The following GPR161 variants were observed in gnomAD, a reference collection of about 807,000 sequenced individuals.
The protein encoded by GPR161 is G protein-coupled receptor 161.
GPR161 carries 25 observed loss-of-function variants against 39.2 expected under a neutral mutation model. That is an observed-to-expected ratio of 0.64 (90% CI 0.47 to 0.89). The LOEUF (loss-of-function observed/expected upper bound fraction) is 0.89, where lower values mean the gene tolerates loss of function less well. Ranked by LOEUF, GPR161 falls within the 40% of genes least tolerant of loss-of-function variation. GPR161 has a pLI of 0.00. For missense variants in GPR161, 547 were observed against 677.8 expected (o/e 0.81, Z 2.14); for synonymous variants, 286 against 276.6 (o/e 1.03, Z -0.34).
chr1:168,136,349 C>T (rs1266624514), intron 1 of GPR161: 4 of 1,471,494 alleles, frequency 2.7e-6, no homozygotes, highest in Admixed American at 2.3e-5. Context: ...CCCCAGGGGG[C>T]GCGGCCCGCA....
chr1:168,103,207 A>G (rs910121451), intron 2 of GPR161, among the ~76,000 whole-genome samples: 1 of 152,212 alleles, frequency 6.6e-6, no homozygotes, highest in African/African-American at 2.4e-5. Context: ...TTCTTCAAGG[A>G]TATTTGAAAA....
chr1:168,132,965 G>A (rs548579725), intron 1 of GPR161, among the ~76,000 whole-genome samples: 1 of 152,060 alleles, frequency 6.6e-6, no homozygotes. Flanking sequence ...GGCTGGTCTC[G>A]AACTCCTGAC....
At chr1:168,114,659 T>A (rs538292504) in intron 1 of GPR161, 1 of 152,220 alleles carries the variant, frequency 6.6e-6, no homozygotes, top group Admixed American at 6.5e-5. Flanking sequence ...GGTTGCCTTC[T>A]GTGTCCTTGT....
intron 5 of GPR161, among the ~76,000 whole-genome samples, chr1:168,086,864 G>T (rs1694556623): frequency 6.6e-6 from 1 of 152,268 alleles, no homozygotes; most frequent in East Asian, 1.9e-4. Flanking sequence ...GAAGAGATGT[G>T]ATTAATTATG....
At chr1:168,091,947 A>AC (rs35331460) in intron 3 of GPR161, among the ~76,000 whole-genome samples, 8,887 of 152,222 alleles carry the variant, frequency 0.058, 842 homozygotes, top group African/African-American at 0.2. Context: ...ATAGGAGGAG[A>AC]CCTGTTCCTT....
chr1:168,122,102 G>A (rs1698224149), intron 1 of GPR161, among the ~76,000 whole-genome samples: 2 of 152,214 alleles, frequency 1.3e-5, no homozygotes, highest in Admixed American at 1.3e-4. Flanking sequence ...GCATGTCACA[G>A]GCATTGCAAG....
intron 1 of GPR161, among the ~76,000 whole-genome samples, chr1:168,115,358 C>G (rs1697534698): frequency 6.6e-6 from 1 of 152,100 alleles, no homozygotes; most frequent in Non-Finnish European, 1.5e-5. Context: ...TCTTTGGACA[C>G]TGGTACCAGA....
intron 1 of GPR161, chr1:168,135,090 A>T: frequency 4.8e-6 from 7 of 1,457,634 alleles, no homozygotes; most frequent in Non-Finnish European, 6.4e-6. Flanking sequence ...ATTAGTTCCA[A>T]AATGTCAAGC....
chr1:168,093,248 C>G (rs527838002), intron 3 of GPR161, among the ~76,000 whole-genome samples: 1 of 152,102 alleles, frequency 6.6e-6, no homozygotes, highest in African/African-American at 2.4e-5. Context: ...TGACCTTCCC[C>G]GTGGGAATTG....
At chr1:168,136,442 C>A in intron 1 of GPR161, 1 of 1,328,862 alleles carries the variant, frequency 7.5e-7, no homozygotes, top group Non-Finnish European at 9.6e-7. Context: ...AGAAACGGGG[C>A]GGGCTGCACC....
chr1:168,084,483 G>A lies in GPR161; in HGVS notation c.*1048C>T, dbSNP rs1327412785. On this transcript the variant is annotated 3_prime_UTR_variant, in exon 6 of 6. Coordinates refer to ENST00000682931, the MANE Select transcript of GPR161 (RefSeq NM_001375883.1). ...CAAATGACATGTGCACACAAAGACA[G>A]AGCTGGGCCAATAACCCAGGTTGCT... 1 of 324,542 alleles carries A rather than the reference G, an allele frequency of 3.1e-6. No individual in the cohort carries two copies. Among genetic ancestry groups the A allele is most frequent in the Non-Finnish European group, 5.9e-6 (1 of 168,662 alleles). 20.1% of individuals were successfully genotyped at this position (324,542 alleles called of 1,614,324 possible).
At chr1:168,103,071 A>G (rs1312281243) in intron 2 of GPR161, among the ~76,000 whole-genome samples, 1 of 152,184 alleles carries the variant, frequency 6.6e-6, no homozygotes, top group Non-Finnish European at 1.5e-5. Flanking sequence ...ACAAACACAC[A>G]TGCTCCTCAG....
At chr1:168,090,993 G>A (rs754935925) in intron 3 of GPR161, among the ~76,000 whole-genome samples, 5 of 152,324 alleles carry the variant, frequency 3.3e-5, no homozygotes, top group South Asian at 2.1e-4. Flanking sequence ...AGATCTTCCC[G>A]TTAAAGATGG....
chr1:168,120,108 G>A (rs1698044812), intron 1 of GPR161, among the ~76,000 whole-genome samples: 1 of 152,188 alleles, frequency 6.6e-6, no homozygotes, highest in Admixed American at 6.5e-5. Flanking sequence ...CTTGCACCAT[G>A]CACCTGGAAA....
chr1:168,103,779 C>A (rs115451854), intron 2 of GPR161, among the ~76,000 whole-genome samples: 87 of 152,314 alleles, frequency 5.7e-4, no homozygotes, highest in African/African-American at 2.0e-3. Flanking sequence ...ACGCAGTGGC[C>A]ATTAGCAAAA....
chr1:168,110,547 G>T, intron 1 of GPR161, among the ~76,000 whole-genome samples: 1 of 23,628 alleles, frequency 4.2e-5, no homozygotes, highest in South Asian at 1.2e-3. Flanking sequence ...GGAAAGAAAA[G>T]AAAAGAAAAG....
intron 1 of GPR161, among the ~76,000 whole-genome samples, chr1:168,116,935 C>T (rs2102217347): frequency 6.6e-6 from 1 of 152,240 alleles, no homozygotes; most frequent in Non-Finnish European, 1.5e-5. Context: ...AGTCAGAACC[C>T]CAGATGGCCT....
At chr1:168,126,510 G>A (rs897518391) in intron 1 of GPR161, among the ~76,000 whole-genome samples, 2 of 152,060 alleles carry the variant, frequency 1.3e-5, no homozygotes, top group African/African-American at 4.8e-5. Context: ...GGAGTGCAGT[G>A]GCGTGATCAC....
intron 3 of GPR161, among the ~76,000 whole-genome samples, chr1:168,094,281 T>G (rs1045628930): frequency 1.3e-5 from 2 of 152,160 alleles, no homozygotes; most frequent in Non-Finnish European, 2.9e-5. Flanking sequence ...ATCTATTTTT[T>G]TTTGCCTAGA....
Sources: gnomAD v4.1 joint callset for allele counts (sites outside exome capture counted in the v4.1 genomes callset) on GRCh38, gnomAD v4.1.1 for gene constraint, MANE v1.5 for transcripts, NCBI Gene and HGNC (gene_info 2026-07-23, HGNC 2026-07-21) for gene names.